Variants in TMEM114 observed in about 807,000 individuals in gnomAD.
TMEM114 encodes the protein transmembrane protein 114, also known as claudin-26.
Under a neutral mutation model 6.2 loss-of-function variants are expected in TMEM114, and 6 were observed. The observed-to-expected ratio is 0.97, with a 90% CI of 0.53 to 1.91. The LOEUF is 1.91. Ranked by LOEUF, TMEM114 falls within the 40% of genes most tolerant of loss-of-function variation. The pLI is 0.01. For missense variants in TMEM114, 218 were observed against 158.3 expected, an observed-to-expected ratio of 1.38 and a Z score of -2.02; for synonymous variants, 104 against 73.0, an observed-to-expected ratio of 1.42 and a Z score of -2.16.
intron 2 of TMEM114, among the ~76,000 whole-genome samples, chr16:8,572,989 C>G (rs952822550): frequency 1.3e-5 from 2 of 152,216 alleles, no homozygotes; most frequent in African/African-American, 4.8e-5. Flanking sequence ...GCTGGCTTCA[C>G]TGACTGGAGT....
chr16:8,556,506 T>C (rs1901013697), intron 2 of TMEM114, among the ~76,000 whole-genome samples: 1 of 152,024 alleles, frequency 6.6e-6, no homozygotes, highest in Non-Finnish European at 1.5e-5. Flanking sequence ...GTTGTTGTTG[T>C]TGTTGTTGTT....
intron 2 of TMEM114, among the ~76,000 whole-genome samples, chr16:8,577,375 A>G (rs1039085327): frequency 6.6e-6 from 1 of 152,220 alleles, no homozygotes; most frequent in Non-Finnish European, 1.5e-5. Flanking sequence ...CAGTTCTGTC[A>G]TTCCCTGTTG....
intron 2 of TMEM114, among the ~76,000 whole-genome samples, chr16:8,581,473 A>G (rs1902146087): frequency 6.6e-6 from 1 of 152,162 alleles, no homozygotes; most frequent in Admixed American, 6.5e-5. Flanking sequence ...TGTGTGTGAG[A>G]GACAGGGTCC....
chr16:8,581,067 A>G (rs1296944140), intron 2 of TMEM114, among the ~76,000 whole-genome samples: 1 of 152,192 alleles, frequency 6.6e-6, no homozygotes, highest in Non-Finnish European at 1.5e-5. Flanking sequence ...AATTGGCAGT[A>G]TATTTGTCTA....
chr16:8,558,353 G>A (rs893562836), intron 2 of TMEM114, among the ~76,000 whole-genome samples: 1 of 152,142 alleles, frequency 6.6e-6, no homozygotes, highest in African/African-American at 2.4e-5. Context: ...TCCAGCTCCT[G>A]GTGGCTCCAG....
At chr16:8,566,964 G>A (rs912600825), downstream of TMEM114, among the ~76,000 whole-genome samples, 1 of 143,322 alleles carries the variant, frequency 7.0e-6, no homozygotes, top group Non-Finnish European at 1.5e-5. Flanking sequence ...GCAATGGTGC[G>A]ATCTCGGCTC....
chr16:8,560,455 C>T (rs1033187931), intron 2 of TMEM114, among the ~76,000 whole-genome samples: 1 of 152,118 alleles, frequency 6.6e-6, no homozygotes, highest in Non-Finnish European at 1.5e-5. Context: ...GCCATGTTAA[C>T]AAAAGTTTGC....
intron 2 of TMEM114, among the ~76,000 whole-genome samples, chr16:8,557,331 G>C (rs1901046908): frequency 6.6e-6 from 1 of 152,052 alleles, no homozygotes; most frequent in Non-Finnish European, 1.5e-5. Flanking sequence ...CAAAAGCCCT[G>C]ATACTACCAT....
intron 2 of TMEM114, among the ~76,000 whole-genome samples, chr16:8,586,433 G>T (rs773326889): frequency 2.0e-5 from 3 of 152,132 alleles, no homozygotes; most frequent in Non-Finnish European, 4.4e-5. Flanking sequence ...ATCACAGAAG[G>T]CCTCTGTTTT....
intron 2 of TMEM114, among the ~76,000 whole-genome samples, chr16:8,563,577 A>T (rs1901372108): frequency 7.1e-6 from 1 of 141,216 alleles, no homozygotes; most frequent in East Asian, 2.2e-4. Context: ...GAGGGAGGAA[A>T]TGAGTGAGTG....
At chr16:8,573,564 C>T (rs1281096961) in intron 2 of TMEM114, among the ~76,000 whole-genome samples, 1 of 150,740 alleles carries the variant, frequency 6.6e-6, no homozygotes, top group African/African-American at 2.4e-5. Context: ...AAAAGGGAAA[C>T]AAGTGCAAAG....
At chr16:8,540,685 G>A (rs1211905028) in intron 2 of TMEM114, among the ~76,000 whole-genome samples, 1 of 152,176 alleles carries the variant, frequency 6.6e-6, no homozygotes, top group Non-Finnish European at 1.5e-5. Context: ...TAGGTACTGG[G>A]AACCAGTGGT....
At chr16:8,549,407 G>A (rs1422404081) in intron 2 of TMEM114, among the ~76,000 whole-genome samples, 9 of 151,396 alleles carry the variant, frequency 5.9e-5, no homozygotes, top group Admixed American at 4.6e-4. Context: ...GGCTGAGGAA[G>A]GAGAATCGCT....
chr16:8,584,871 G>A (rs552198111), intron 2 of TMEM114, among the ~76,000 whole-genome samples: 4 of 144,412 alleles, frequency 2.8e-5, no homozygotes, highest in South Asian at 2.2e-4. Context: ...GCAGTGAGCC[G>A]AGATCGCGCC....
chr16:8,553,866 T>C (rs1197350450), intron 2 of TMEM114, among the ~76,000 whole-genome samples: 2 of 151,482 alleles, frequency 1.3e-5, no homozygotes, highest in Non-Finnish European at 2.9e-5. Flanking sequence ...TGGCTGCTAA[T>C]TTTTTCCTTT....
downstream of TMEM114, among the ~76,000 whole-genome samples, chr16:8,565,416 A>G (rs1303809200): frequency 3.9e-5 from 6 of 152,168 alleles, no homozygotes; most frequent in African/African-American, 1.4e-4. Flanking sequence ...CTTCTCTGAG[A>G]GAAAGAGAGC....
At chr16:8,537,272 C>T (rs545149431), downstream of TMEM114, among the ~76,000 whole-genome samples, 11 of 151,972 alleles carry the variant, frequency 7.2e-5, no homozygotes, top group Non-Finnish European at 1.3e-4. Context: ...AGGCCAAGGC[C>T]GGCAGATGAC....
chr16:8,560,098 T>C (rs541404533), intron 2 of TMEM114, among the ~76,000 whole-genome samples: 1 of 152,228 alleles, frequency 6.6e-6, no homozygotes, highest in South Asian at 2.1e-4. Flanking sequence ...CTAGGCTCAA[T>C]TCCCCCACCT....
At chr16:8,560,033 G>C (rs1252455227) in intron 2 of TMEM114, among the ~76,000 whole-genome samples, 1 of 152,170 alleles carries the variant, frequency 6.6e-6, no homozygotes, top group African/African-American at 2.4e-5. Flanking sequence ...GTCTCACTCT[G>C]TTACCCAGGC....
Sources: allele counts gnomAD v4.1 joint callset (sites outside exome capture counted in the v4.1 genomes callset), GRCh38; gene constraint gnomAD v4.1.1; transcripts MANE v1.5; gene names NCBI Gene and HGNC (gene_info 2026-07-23, HGNC 2026-07-21).